SDK2: variants seen among roughly 807,000 people sequenced by gnomAD.
SDK2 encodes the protein sidekick cell adhesion molecule 2.
Under a neutral mutation model 253.9 loss-of-function variants are expected in SDK2, and 105 were observed. That is an observed-to-expected ratio of 0.41 (90% CI 0.35 to 0.49). The LOEUF (loss-of-function observed/expected upper bound fraction) is 0.49, where lower values mean the gene tolerates loss of function less well. Among genes scored for constraint, SDK2 ranks in the 20% least tolerant of loss-of-function variants. The pLI, the probability that SDK2 is intolerant of heterozygous loss-of-function variation, is 0.06. For missense variants in SDK2, 2,608 were observed against 3,003.0 expected (o/e 0.87, Z 3.07); for synonymous variants, 1,249 against 1,234.9 (o/e 1.01, Z -0.24).
At chr17:73,560,501 G>T (rs758293038) in intron 1 of SDK2, among the ~76,000 whole-genome samples, 15 of 151,602 alleles carry the variant, frequency 9.9e-5, no homozygotes, top group Non-Finnish European at 2.2e-4. Context: ...CACCATGCGC[G>T]TCTAATTTTT....
rs573157332 is a variant in SDK2, at chr17:73,395,478, G to A, written c.3355-86C>T. On this transcript the variant is annotated intron_variant, in intron 24 of 44. Coordinates refer to ENST00000392650, the MANE Select transcript of SDK2 (RefSeq NM_001144952.2). The surrounding 1 kb of genome is among the most constrained non-coding windows in gnomAD (Gnocchi z 4.3). The stretch of plus-strand genomic sequence containing the variant: ...AACTGCCCTGCTACCCTCTCCTCCA[G>A]GGCGCCTTCAGGGCTATCCATCCCA... 7 of 1,132,336 alleles carry A rather than the reference G, an allele frequency of 6.2e-6. No individual in the cohort carries two copies. The East Asian group carries it at 9.9e-5, about 16-fold the overall frequency. The allele number at this position is 1,132,336 out of a possible 1,614,324, so 70.1% of individuals were successfully genotyped here.
chr17:73,433,710 T>C (rs1362860330), intron 10 of SDK2, 22 bp downstream of exon 10: 1 of 1,531,042 alleles, frequency 6.5e-7, no homozygotes, highest in East Asian at 2.3e-5. Context: ...AGCCACACTC[T>C]CTGAAGGTGT....
intron 21 of SDK2, 57 bp downstream of exon 21, chr17:73,400,962 TG>T: frequency 6.7e-7 from 1 of 1,492,274 alleles, no homozygotes; most frequent in Non-Finnish European, 9.1e-7. Context: ...AGGGGCCTCT[TG>T]AATGGGACGC....
intron 5 of SDK2, among the ~76,000 whole-genome samples, chr17:73,444,488 G>A (rs1339802881): frequency 6.6e-6 from 1 of 152,204 alleles, no homozygotes; most frequent in Non-Finnish European, 1.5e-5. Context: ...GGGAGGAAGT[G>A]TACGGGGCTC....
intron 1 of SDK2, among the ~76,000 whole-genome samples, chr17:73,545,127 A>ACACACACACAC (rs1555601159): frequency 2.6e-5 from 4 of 151,164 alleles, no homozygotes; most frequent in East Asian, 3.9e-4. Context: ...ACACACACAC[A>ACACACACACAC]AAGTGGAGGC....
At chr17:73,485,086 G>T (rs145366837) in intron 2 of SDK2, among the ~76,000 whole-genome samples, 1 of 152,154 alleles carries the variant, frequency 6.6e-6, no homozygotes. Context: ...GGCACTAGGC[G>T]TTAGGACATC....
At chr17:73,562,586 G>T (rs531783659) in intron 1 of SDK2, among the ~76,000 whole-genome samples, 1 of 152,100 alleles carries the variant, frequency 6.6e-6, no homozygotes, top group Non-Finnish European at 1.5e-5. Context: ...GAAGGCAGGC[G>T]TGGGAGGGGG....
chr17:73,390,121 T>G (rs1031650499), intron 29 of SDK2, among the ~76,000 whole-genome samples, 166 bp downstream of exon 29: 2 of 151,808 alleles, frequency 1.3e-5, no homozygotes, highest in African/African-American at 4.8e-5. Flanking sequence ...TCTCTGGGAG[T>G]CTATTAGACC....
At chr17:73,451,388 C>T (rs569538174) in intron 4 of SDK2, among the ~76,000 whole-genome samples, 1 of 152,308 alleles carries the variant, frequency 6.6e-6, no homozygotes, top group Admixed American at 6.5e-5. Flanking sequence ...TGCCTGTAAT[C>T]CCAGCTACTG....
intron 39 of SDK2, among the ~76,000 whole-genome samples, chr17:73,359,062 C>T (rs1340677409): frequency 6.6e-6 from 1 of 152,086 alleles, no homozygotes; most frequent in Non-Finnish European, 1.5e-5. Flanking sequence ...ATGCTGTCAC[C>T]TCCAATCCTG....
chr17:73,363,388 T>A (rs2062657756), intron 38 of SDK2, among the ~76,000 whole-genome samples: 1 of 152,168 alleles, frequency 6.6e-6, no homozygotes, highest in Non-Finnish European at 1.5e-5. Context: ...GATTACTAAA[T>A]GATGGAACAA....
intron 30 of SDK2, among the ~76,000 whole-genome samples, chr17:73,387,571 C>T (rs764866988): frequency 4.6e-5 from 7 of 152,184 alleles, no homozygotes; most frequent in African/African-American, 1.7e-4. Context: ...AGGCACTTCA[C>T]TAAAGGGGGA....
intron 30 of SDK2, among the ~76,000 whole-genome samples, chr17:73,387,335 C>T (rs1270034126): frequency 7.2e-5 from 11 of 152,028 alleles, no homozygotes. Context: ...CTCTATAAGC[C>T]TTATTTCCTC....
Position 73,365,318 on chromosome 17 carries a change from AC to A in SDK2, c.5244del (p.Gln1748HisfsTer27). ...TAGCCCTCCAGGATGCCATTGGGGA[AC>A]TGCGGGGCTTCCCAGGACACATTCA... is the stretch of plus-strand genomic sequence containing the variant. ...TSVNVSWEAP[Q>X]FPNGILEGYR... On this transcript the variant is annotated frameshift_variant, in exon 38 of 45. Coordinates refer to ENST00000392650, the MANE Select transcript of SDK2 (RefSeq NM_001144952.2). LOFTEE classifies it high-confidence loss of function. 1 of 1,613,302 alleles carries A rather than the reference AC, an allele frequency of 6.2e-7. No individual in the cohort carries two copies. Among genetic ancestry groups the A allele is most frequent in the Non-Finnish European group, 8.5e-7 (1 of 1,179,654 alleles).
At position 73,588,206 on chromosome 17, in the gene SDK2, CCT is replaced by C. The variant is rs1491115889; in HGVS notation, c.64+55817_64+55818del. ...TGACCAACATGGAGAGACCCCCCCC[CCT>C]CCCCCGCCATCTCTACTAAAAATAC... On this transcript the variant is annotated intron_variant, in intron 1 of 44. Transcript: ENST00000392650. 5.0e-3 allele frequency among the ~76,000 whole-genome samples: 696 copies of C among 140,432 alleles called. 4 individuals are homozygous for C. Among genetic ancestry groups the C allele is most frequent in the Middle Eastern group, 0.015 (4 of 268 alleles). 92.1% of individuals were successfully genotyped at this position (140,432 alleles called of 152,430 possible). A position where few individuals can be genotyped will look rare whatever the true frequency, so the allele number is the denominator to read the frequency against.
In SDK2 at chr17:73,338,700, T is replaced by C; in HGVS notation, c.6406A>G (p.Thr2136Ala). 6.2e-7 allele frequency: 1 copy of C among 1,608,138 alleles called. No homozygotes were observed. Among genetic ancestry groups the C allele is most frequent in the Non-Finnish European group, 8.5e-7 (1 of 1,176,764 alleles). The part of the protein sequence containing the change: ...LFRPKASRTP[T>A]PQNPPNPPSQ... ...GGGGGGTTAGGGGGGTTCTGGGGCG[T>C]TGGAGTCCGACTGGCCTTGGGCCGA... is the stretch of plus-strand genomic sequence containing the variant. The change falls in exon 45 of 45, where the codon ACG becomes GCG. Residue 2136 changes from threonine to alanine, a missense_variant. By Grantham distance (58) the Thr-to-Ala change is moderately conservative. Around this residue, in one of 2 missense-constraint regions of SDK2, gnomAD observed 1,103 missense variants for 1,143.9 expected, o/e 0.96. Transcript: ENST00000392650. This position sits in a 1 kb window ranked among gnomAD's most constrained non-coding sequence, Gnocchi z 5.0.
chr17:73,419,931 A>G (rs2063215997), intron 15 of SDK2, among the ~76,000 whole-genome samples: 1 of 151,954 alleles, frequency 6.6e-6, no homozygotes, highest in Admixed American at 6.6e-5. Context: ...TGAGGGATGT[A>G]AGTTTCAGTT....
intron 41 of SDK2, among the ~76,000 whole-genome samples, chr17:73,351,270 C>A (rs541810387): frequency 5.9e-5 from 9 of 152,078 alleles, no homozygotes; most frequent in Non-Finnish European, 1.2e-4. Flanking sequence ...CCACCACACC[C>A]GGCTAATCTT....
At chr17:73,475,094 T>C (rs1490130486) in intron 2 of SDK2, among the ~76,000 whole-genome samples, 2 of 152,204 alleles carry the variant, frequency 1.3e-5, no homozygotes, top group Non-Finnish European at 2.9e-5. Context: ...CTATGAAAAT[T>C]AGAATATGCC....
Sources: gnomAD v4.1 joint callset for allele counts (sites outside exome capture counted in the v4.1 genomes callset) on GRCh38, gnomAD v4.1.1 for gene constraint, gnomAD v4.1.1 regional missense constraint, Gnocchi (gnomAD v3.1) non-coding constraint, MANE v1.5 for transcripts, NCBI Gene and HGNC (gene_info 2026-07-23, HGNC 2026-07-21) for gene names.